LRRC4C: variants seen among roughly 807,000 people sequenced by gnomAD.
The protein encoded by LRRC4C is leucine-rich repeat-containing protein 4C.
Under a neutral mutation model 33.6 loss-of-function variants are expected in LRRC4C, and 5 were observed. That is an observed-to-expected ratio of 0.15 (90% CI 0.08 to 0.31). The LOEUF is 0.31. Ranked by LOEUF, LRRC4C falls within the 10% of genes least tolerant of loss-of-function variation. LRRC4C has a pLI of 1.00. For missense variants in LRRC4C, 560 were observed against 796.7 expected (o/e 0.70, Z 3.58); for synonymous variants, 329 against 302.0 (o/e 1.09, Z -0.93).
intron 1 of LRRC4C, among the ~76,000 whole-genome samples, chr11:41,306,053 C>T (rs1320057101): frequency 2.7e-5 from 4 of 147,024 alleles, no homozygotes; most frequent in Non-Finnish European, 6.0e-5. Context: ...AAGAAAAATA[C>T]TGCATTAAAT....
intron 2 of LRRC4C, among the ~76,000 whole-genome samples, chr11:40,912,264 A>G (rs1257640058): frequency 6.6e-6 from 1 of 152,150 alleles, no homozygotes; most frequent in Non-Finnish European, 1.5e-5. Flanking sequence ...CAAAGTTGAA[A>G]TGAAGGAAAA....
intron 2 of LRRC4C, among the ~76,000 whole-genome samples, chr11:40,695,513 T>C (rs760038792): frequency 1.3e-5 from 2 of 152,126 alleles, no homozygotes; most frequent in Non-Finnish European, 2.9e-5. Flanking sequence ...TGTAACAAAT[T>C]ACCAAAACAT....
chr11:40,532,835 T>G (rs771766390), intron 3 of LRRC4C, among the ~76,000 whole-genome samples: 11 of 152,118 alleles, frequency 7.2e-5, no homozygotes, highest in Non-Finnish European at 1.3e-4. Context: ...GGAAAGAGGT[T>G]TAACTGACTC....
intron 3 of LRRC4C, among the ~76,000 whole-genome samples, chr11:40,349,652 G>A (rs1293736939): frequency 1.3e-5 from 2 of 152,258 alleles, no homozygotes; most frequent in South Asian, 4.1e-4. Flanking sequence ...CCTCCATACT[G>A]TTATTTATAG....
At chr11:40,980,506 G>A (rs754524843) in intron 1 of LRRC4C, among the ~76,000 whole-genome samples, 9 of 152,030 alleles carry the variant, frequency 5.9e-5, no homozygotes, top group Non-Finnish European at 1.0e-4. Flanking sequence ...TACACCGTCC[G>A]TCCATTTCTG....
chr11:41,227,513 TTAC>T, intron 1 of LRRC4C, among the ~76,000 whole-genome samples: 1 of 152,230 alleles, frequency 6.6e-6, no homozygotes, highest in Non-Finnish European at 1.5e-5. Flanking sequence ...GCTTTTATTT[TTAC>T]TTTTCAGAGA....
In LRRC4C at chr11:41,082,236, G is replaced by C. The variant is rs1939629656; in HGVS notation, c.-495-148513C>G. Among the ~76,000 whole-genome samples, 3 of 152,284 alleles carry C rather than the reference G, an allele frequency of 2.0e-5. No homozygotes were observed. The South Asian group carries it at 6.2e-4, about 32-fold the overall frequency. On this transcript the variant is annotated intron_variant, in intron 1 of 6. Transcript: ENST00000528697. ...AGCTTCTATAGAAACGCATCTCAGA[G>C]ACACGATATACGTGAATGTTGACTG...
intron 2 of LRRC4C, among the ~76,000 whole-genome samples, chr11:40,780,783 A>G (rs1278101386): frequency 1.4e-5 from 2 of 138,544 alleles, no homozygotes; most frequent in East Asian, 4.1e-4. Flanking sequence ...AAAACTGATA[A>G]GAGGCTTTTT....
chr11:41,355,439 C>T (rs1952127074), intron 1 of LRRC4C, among the ~76,000 whole-genome samples: 1 of 151,952 alleles, frequency 6.6e-6, no homozygotes, highest in Non-Finnish European at 1.5e-5. Flanking sequence ...AGTTTCCCAC[C>T]TATACAATTT....
At position 41,190,659 on chromosome 11, in the gene LRRC4C, T is replaced by G. The variant is rs534449537; in HGVS notation, c.-495-256936A>C. Among the ~76,000 whole-genome samples the G allele has an allele frequency of 5.3e-5, 8 of 152,278 alleles. No homozygotes were observed. In the East Asian group the frequency reaches 1.5e-3, roughly 29 times the overall value. ...ACGTATGCTCGGCTGCGTACATTTG[T>G]GTTCGTCTACACTTGCATACACAAA... is the stretch of plus-strand genomic sequence containing the variant. On this transcript the variant is annotated intron_variant, in intron 1 of 6. Transcript: ENST00000528697.
At chr11:41,146,761 T>G (rs1943744502) in intron 1 of LRRC4C, among the ~76,000 whole-genome samples, 1 of 152,270 alleles carries the variant, frequency 6.6e-6, no homozygotes, top group East Asian at 1.9e-4. Flanking sequence ...CAGGGGGAAA[T>G]AAAACAAATA....
intron 6 of LRRC4C, among the ~76,000 whole-genome samples, chr11:40,137,019 A>G (rs1178056057): frequency 6.6e-6 from 1 of 152,248 alleles, no homozygotes; most frequent in East Asian, 1.9e-4. Context: ...GTATTCTAAT[A>G]ATAAGGCAAG....
At chr11:40,303,616 A>G (rs1365880253) in intron 4 of LRRC4C, among the ~76,000 whole-genome samples, 1 of 152,202 alleles carries the variant, frequency 6.6e-6, no homozygotes, top group Non-Finnish European at 1.5e-5. Flanking sequence ...TTAAAGCAAG[A>G]GTCTTCAATT....
chr11:40,501,576 T>G (rs1954774680), intron 3 of LRRC4C, among the ~76,000 whole-genome samples: 1 of 152,188 alleles, frequency 6.6e-6, no homozygotes, highest in African/African-American at 2.4e-5. Context: ...GCTTGCACCC[T>G]CTGAAGCTAC....
chr11:40,696,748 G>GTGTATATATATA lies in LRRC4C; in HGVS notation c.-406-48471_-406-48470insTATATATATACA, dbSNP rs368234307. ...GTCTCTGTGCATATATATACACTGT[G>GTGTATATATATA]TATATATATATATATATATATATAT... On this transcript the variant is annotated intron_variant, in intron 2 of 6. Transcript: ENST00000528697. 7.2e-3 allele frequency among the ~76,000 whole-genome samples: 911 copies of GTGTATATATATA among 125,852 alleles called. 7 individuals carry two copies. The highest frequency in any genetic ancestry group is 0.019 in the African/African-American group (597 of 31,964). The allele number at this position is 125,852 out of a possible 152,430, so 82.6% of individuals were successfully genotyped here.
At chr11:40,794,373 CAAAAAAA>C (rs57476895) in intron 2 of LRRC4C, among the ~76,000 whole-genome samples, 78 of 77,216 alleles carry the variant, frequency 1.0e-3, no homozygotes, top group South Asian at 3.7e-3. Context: ...TAAACGCCAG[CAAAAAAA>C]AAAAAAAAAA....
chr11:40,461,978 C>G (rs1450250658), intron 3 of LRRC4C, among the ~76,000 whole-genome samples: 1 of 151,790 alleles, frequency 6.6e-6, no homozygotes, highest in Non-Finnish European at 1.5e-5. Flanking sequence ...AGGAGGGGAA[C>G]AGGAAGACTA....
intron 4 of LRRC4C, among the ~76,000 whole-genome samples, chr11:40,307,163 A>ACC (rs545324783): frequency 6.6e-6 from 1 of 151,430 alleles, no homozygotes; most frequent in East Asian, 2.0e-4. Context: ...CCACCTCCTC[A>ACC]CCCCCCATTA....
At chr11:40,789,093 GAAAA>G (rs397956716) in intron 2 of LRRC4C, among the ~76,000 whole-genome samples, 4 of 63,524 alleles carry the variant, frequency 6.3e-5, no homozygotes, top group Non-Finnish European at 1.1e-4. Flanking sequence ...TCCGTCTCGG[GAAAA>G]AAAAAAAAAA....
Sources: gnomAD v4.1 joint callset for allele counts (sites outside exome capture counted in the v4.1 genomes callset) on GRCh38, gnomAD v4.1.1 for gene constraint, MANE v1.5 for transcripts, NCBI Gene and HGNC (gene_info 2026-07-23, HGNC 2026-07-21) for gene names.